NOL4: variants seen among roughly 807,000 people sequenced by gnomAD.
NOL4 encodes the protein nucleolar protein 4.
NOL4 carries 17 observed loss-of-function variants against 75.9 expected under a neutral mutation model. The observed-to-expected ratio is 0.22, with a 90% CI of 0.15 to 0.34. The LOEUF (loss-of-function observed/expected upper bound fraction) is 0.34. NOL4 is among the 10% of genes least tolerant of loss of function. The pLI, the probability that NOL4 is intolerant of heterozygous loss-of-function variation, is 1.00. For missense variants in NOL4, 614 were observed against 793.5 expected, an observed-to-expected ratio of 0.77 and a Z score of 2.72; for synonymous variants, 292 against 289.9, an observed-to-expected ratio of 1.01 and a Z score of -0.07.
intron 9 of NOL4, among the ~76,000 whole-genome samples, chr18:33,919,503 T>C (rs1029873396): frequency 6.6e-6 from 1 of 152,222 alleles, no homozygotes; most frequent in Admixed American, 6.5e-5. Flanking sequence ...AATGCATAAG[T>C]CACTGCTGAA....
In NOL4 at chr18:33,873,169, G is replaced by C. The variant is rs1286233001; in HGVS notation, c.1723+10075C>G. 2.0e-5 allele frequency among the ~76,000 whole-genome samples: 3 copies of C among 151,978 alleles called. No homozygotes were observed. The East Asian group carries it at 5.8e-4, about 30-fold the overall frequency. On this transcript the variant is annotated intron_variant, in intron 10 of 10. Coordinates refer to ENST00000261592, the MANE Select transcript of NOL4 (RefSeq NM_003787.5). ...AAAGGTCATACAAATTCACCGTGGG[G>C]GATTGCTTAGCTTCTGTGAATTACT...
At chr18:33,968,947 T>C (rs2070824997) in intron 6 of NOL4, among the ~76,000 whole-genome samples, 1 of 152,238 alleles carries the variant, frequency 6.6e-6, no homozygotes, top group Admixed American at 6.5e-5. Context: ...TTATTCTGTC[T>C]AATGAAAATG....
chr18:34,114,127 A>C (rs1262022684), intron 2 of NOL4, among the ~76,000 whole-genome samples: 3 of 152,232 alleles, frequency 2.0e-5, no homozygotes, highest in Non-Finnish European at 2.9e-5. Flanking sequence ...ATAATCATTC[A>C]TAAATGTCAT....
chr18:33,964,443 AAG>A (rs767217678), intron 6 of NOL4, among the ~76,000 whole-genome samples: 1 of 152,098 alleles, frequency 6.6e-6, no homozygotes, highest in Non-Finnish European at 1.5e-5. Flanking sequence ...TCAAGAAAGA[AAG>A]AAAGAAAGAG....
At chr18:34,000,642 AG>A (rs1205518666) in intron 6 of NOL4, among the ~76,000 whole-genome samples, 1 of 152,136 alleles carries the variant, frequency 6.6e-6, no homozygotes, top group Admixed American at 6.6e-5. Flanking sequence ...CATATTCTTG[AG>A]ACCTGGTGAT....
At chr18:33,873,093 T>G (rs539213160) in intron 10 of NOL4, among the ~76,000 whole-genome samples, 1 of 152,140 alleles carries the variant, frequency 6.6e-6, no homozygotes, top group South Asian at 2.1e-4. Flanking sequence ...GATCACACAG[T>G]CACTTTTCTT....
At chr18:34,213,469 T>A (rs1242892739) in intron 1 of NOL4, among the ~76,000 whole-genome samples, 4 of 152,098 alleles carry the variant, frequency 2.6e-5, no homozygotes, top group Non-Finnish European at 5.9e-5. Context: ...TTTGTATTTT[T>A]AGTAGAGCCG....
chr18:34,169,325 T>C (rs9953389), intron 1 of NOL4, among the ~76,000 whole-genome samples: 2,339 of 151,968 alleles, frequency 0.015, 63 homozygotes, highest in African/African-American at 0.054. Context: ...ATCATGTAAG[T>C]GGCATAATAA....
At chr18:33,856,739 T>C (rs1367448062) in intron 10 of NOL4, among the ~76,000 whole-genome samples, 4 of 152,098 alleles carry the variant, frequency 2.6e-5, no homozygotes, top group Non-Finnish European at 1.5e-5. Context: ...TCTTAAGCCA[T>C]GAGGCAGAAT....
intron 1 of NOL4, among the ~76,000 whole-genome samples, chr18:34,152,721 A>G (rs577045765): frequency 1.3e-5 from 2 of 151,994 alleles, no homozygotes; most frequent in Non-Finnish European, 2.9e-5. Context: ...CAAATGCTGA[A>G]AAATATAGAT....
intron 9 of NOL4, among the ~76,000 whole-genome samples, chr18:33,896,536 T>C (rs2065421278): frequency 6.6e-6 from 1 of 152,102 alleles, no homozygotes; most frequent in African/African-American, 2.4e-5. Context: ...GAGGAAAAGA[T>C]TTCCTATTCA....
intron 6 of NOL4, among the ~76,000 whole-genome samples, chr18:33,973,822 C>T (rs942334399): frequency 1.3e-5 from 2 of 152,146 alleles, no homozygotes; most frequent in African/African-American, 4.8e-5. Flanking sequence ...CACAGATGGG[C>T]TGTCATCTAG....
chr18:33,979,137 C>T (rs2071740145), intron 6 of NOL4, among the ~76,000 whole-genome samples: 2 of 151,976 alleles, frequency 1.3e-5, no homozygotes, highest in African/African-American at 4.8e-5. Context: ...ATATATAAAA[C>T]AGATGAATGT....
At chr18:33,977,287 CTCATCTTGAATTGTAGCAACCAT>C (rs1486681178) in intron 6 of NOL4, among the ~76,000 whole-genome samples, 1 of 152,110 alleles carries the variant, frequency 6.6e-6, no homozygotes, top group East Asian at 1.9e-4. Context: ...CCACCCAAAT[CTCATCTTGAATTGTAGCAACCAT>C]AATCCCCACG....
At chr18:34,011,429 T>C (rs1016209920) in intron 6 of NOL4, among the ~76,000 whole-genome samples, 12 of 151,706 alleles carry the variant, frequency 7.9e-5, no homozygotes, top group African/African-American at 2.9e-4. Flanking sequence ...TGGGTCAATA[T>C]TGAATATTTT....
At chr18:33,856,430 T>C (rs910310166) in intron 10 of NOL4, among the ~76,000 whole-genome samples, 2 of 152,068 alleles carry the variant, frequency 1.3e-5, no homozygotes, top group African/African-American at 4.8e-5. Context: ...ACATGAACCA[T>C]TGCTGATAGA....
At chr18:34,172,926 T>C (rs1214076840) in intron 1 of NOL4, among the ~76,000 whole-genome samples, 1 of 152,156 alleles carries the variant, frequency 6.6e-6, no homozygotes, top group Admixed American at 6.5e-5. Flanking sequence ...GTATATGATA[T>C]GAAAATATTT....
At chr18:34,026,437 T>C (rs946072091) in intron 5 of NOL4, among the ~76,000 whole-genome samples, 6 of 152,196 alleles carry the variant, frequency 3.9e-5, no homozygotes, top group Non-Finnish European at 8.8e-5. Flanking sequence ...AGCTATTCCC[T>C]GGCCCTTCCA....
intron 1 of NOL4, among the ~76,000 whole-genome samples, chr18:34,177,956 T>C (rs1286149061): frequency 1.3e-5 from 2 of 151,810 alleles, no homozygotes; most frequent in African/African-American, 4.8e-5. Context: ...CAGATAAGTA[T>C]ATGAAGGGAG....
Sources: allele counts gnomAD v4.1 joint callset (sites outside exome capture counted in the v4.1 genomes callset), GRCh38; gene constraint gnomAD v4.1.1; transcripts MANE v1.5; gene names NCBI Gene and HGNC (gene_info 2026-07-23, HGNC 2026-07-21).